ZER1: variants seen among roughly 807,000 people sequenced by gnomAD.
The protein encoded by ZER1 is zyg-11 related cell cycle regulator.
Under a neutral mutation model 78.8 loss-of-function variants are expected in ZER1, and 11 were observed. The ratio of observed to expected loss-of-function variants is 0.14; its 90% CI spans 0.09 to 0.23. ZER1 has a LOEUF of 0.23. ZER1 is among the 10% of genes least tolerant of loss of function. ZER1 has a pLI of 1.00. For missense variants in ZER1, 588 were observed against 996.9 expected (o/e 0.59, Z 5.52); for synonymous variants, 400 against 407.0 (o/e 0.98, Z 0.21).
upstream of ZER1, chr9:128,771,989 C>T (rs557179305): frequency 6.6e-6 from 1 of 152,406 alleles, no homozygotes; most frequent in African/African-American, 2.4e-5. Flanking sequence ...CGACCCGTCC[C>T]GCGGCTAACG....
At chr9:128,762,289 G>A (rs961714380) in intron 1 of ZER1, among the ~76,000 whole-genome samples, 6 of 152,214 alleles carry the variant, frequency 3.9e-5, no homozygotes, top group Admixed American at 3.9e-4. Flanking sequence ...CTCCCTCTGT[G>A]CCCATTTGTA....
In ZER1 at chr9:128,755,292, C is replaced by T. The variant is rs1863820122; in HGVS notation, c.158+116G>A. On this transcript the variant is annotated intron_variant, in intron 2 of 15. Coordinates refer to ENST00000291900, the MANE Select transcript of ZER1 (RefSeq NM_006336.4). The surrounding 1 kb of genome is among the most constrained non-coding windows in gnomAD (Gnocchi z 5.6). ...ATGAACATCCATGTGCACACACACA[C>T]ACCCTCACACATTCATCTCCATAGC... 1 of 1,419,956 alleles carries T rather than the reference C, an allele frequency of 7.0e-7. No individual in the cohort carries two copies. Among genetic ancestry groups the T allele is most frequent in the East Asian group, 2.3e-5 (1 of 43,458 alleles). The allele number at this position is 1,419,956 out of a possible 1,614,324, so 88.0% of individuals were successfully genotyped here. A position where few individuals can be genotyped will look rare whatever the true frequency, so the allele number is the denominator to read the frequency against.
In ZER1 at chr9:128,754,026, G is replaced by A; in HGVS notation, c.159-67C>T. 3 of 1,527,544 alleles carry A rather than the reference G, an allele frequency of 2.0e-6. No homozygotes were observed. In the South Asian group the frequency reaches 3.7e-5, roughly 19 times the overall value. The allele number at this position is 1,527,544 out of a possible 1,614,324, so 94.6% of individuals were successfully genotyped here. On this transcript the variant is annotated intron_variant, in intron 2 of 15. Transcript: ENST00000291900. The surrounding 1 kb of genome is among the most constrained non-coding windows in gnomAD (Gnocchi z 4.3). ...ACTCTCATCCTCGCTTCAAAGCCAA[G>A]CCCTCCTCCCCCTGAAGCTTTCTTG...
At chr9:128,739,832 G>A in intron 13 of ZER1, 99 bp downstream of exon 13, 2 of 1,417,840 alleles carry the variant, frequency 1.4e-6, no homozygotes, top group South Asian at 2.7e-5. Flanking sequence ...AGACCAGAAG[G>A]AAGGTGGGAG....
In ZER1 at chr9:128,741,595, A is replaced by G; in HGVS notation, c.1677T>C (p.Pro559=). The change falls in exon 11 of 16, where the codon CCT becomes CCC. Residue 559 remains proline (P), a synonymous_variant. Coordinates refer to ENST00000291900, the MANE Select transcript of ZER1 (RefSeq NM_006336.4). ...SALWNITDET[P]DNCEMFLNFN... ...AATTGAGGAACATCTCGCAGTTGTC[A>G]GGAGTTTCATCTGTGATGTTCCACA... 1 of 1,614,188 alleles carries G rather than the reference A, an allele frequency of 6.2e-7. No individual in the cohort carries two copies. Among genetic ancestry groups the G allele is most frequent in the Middle Eastern group, 1.6e-4 (1 of 6,062 alleles).
chr9:128,752,447 A>G (rs1211107142), intron 5 of ZER1, among the ~76,000 whole-genome samples: 1 of 152,054 alleles, frequency 6.6e-6, no homozygotes, highest in Non-Finnish European at 1.5e-5. Context: ...TAGCCTCCCA[A>G]GTAGCTGGGA....
chr9:128,761,667 C>G (rs1365714518), intron 1 of ZER1, among the ~76,000 whole-genome samples: 1 of 145,506 alleles, frequency 6.9e-6, no homozygotes, highest in Non-Finnish European at 1.5e-5. Context: ...TACAGTGGTA[C>G]GATCTCGGCT....
chr9:128,735,201 G>T, intron 14 of ZER1, 133 bp downstream of exon 14: 1 of 788,506 alleles, frequency 1.3e-6, no homozygotes. Flanking sequence ...ACGCTGGAAA[G>T]TGGAGGGTTC....
chr9:128,752,135 G>A (rs958465785), intron 5 of ZER1, among the ~76,000 whole-genome samples: 1 of 152,136 alleles, frequency 6.6e-6, no homozygotes, highest in African/African-American at 2.4e-5. Context: ...CAGCCAGGAT[G>A]CGTCCCTCCT....
chr9:128,760,525 G>C (rs1287082369), intron 1 of ZER1, among the ~76,000 whole-genome samples: 1 of 152,144 alleles, frequency 6.6e-6, no homozygotes, highest in Non-Finnish European at 1.5e-5. Flanking sequence ...TTTAAGTGCA[G>C]GCTCTGTGGT....
At chr9:128,739,784 C>T (rs1203026233) in intron 13 of ZER1, 147 bp downstream of exon 13, 18 of 952,962 alleles carry the variant, frequency 1.9e-5, no homozygotes, top group Admixed American at 1.0e-4. Context: ...GTGCTGTGTG[C>T]GGCTACGTAT....
In ZER1 at chr9:128,753,521, G is replaced by A; in HGVS notation, c.389C>T (p.Thr130Ile). Residue 130 changes from threonine (T) to isoleucine (I), a missense_variant, in exon 4 of 16, where the codon ACC (threonine) becomes ATC (isoleucine). Thr to Ile is a moderately conservative substitution (Grantham distance 89). Around this residue, in one of 3 missense-constraint regions of ZER1, gnomAD observed 406 missense variants for 660.1 expected, o/e 0.62. Transcript: ENST00000291900. The surrounding 1 kb of genome is among the most constrained non-coding windows in gnomAD (Gnocchi z 7.5). ...GCCGAAGAGGCTCAAGGACACCAGG[G>A]TGTGGCTGAAGCTCCTCAGTGTCTG... The part of the protein sequence containing the change: ...SLQTLRSFSH[T>I]LVSLSLFGCT... 1 of 1,614,108 alleles carries A rather than the reference G, an allele frequency of 6.2e-7. No homozygotes were observed. Among genetic ancestry groups the A allele is most frequent in the Non-Finnish European group, 8.5e-7 (1 of 1,180,038 alleles).
chr9:128,733,450 C>G lies in ZER1; in HGVS notation c.2219G>C (p.Arg740Pro). The part of the protein sequence containing the change: ...LRDIIKMATA[R>P]QETKEMARKV... Reference sequence around the variant, plus strand: ...CCGGGCCATTTCCTTGGTCTCCTGCCGTGCGGTCGCCATCTTAATTATGTC... The same window carrying G: ...CCGGGCCATTTCCTTGGTCTCCTGCGGTGCGGTCGCCATCTTAATTATGTC... Residue 740 changes from arginine to proline, a missense_variant, in exon 15 of 16, where the codon CGG becomes CCG. Arg to Pro is a moderately radical substitution (Grantham distance 103). Around this residue, in one of 3 missense-constraint regions of ZER1, gnomAD observed 122 missense variants for 173.5 expected, o/e 0.70. Coordinates refer to ENST00000291900, the MANE Select transcript of ZER1 (RefSeq NM_006336.4). 1.2e-6 allele frequency: 2 copies of G among 1,613,914 alleles called. No homozygotes were observed. The highest frequency in any genetic ancestry group is 2.2e-5 in the South Asian group (2 of 91,006).
intron 1 of ZER1, among the ~76,000 whole-genome samples, chr9:128,769,578 T>C (rs1434209158): frequency 6.6e-6 from 1 of 151,996 alleles, no homozygotes; most frequent in East Asian, 1.9e-4. Flanking sequence ...CACACCCGGC[T>C]AATTTTTGTA....
intron 1 of ZER1, among the ~76,000 whole-genome samples, chr9:128,763,574 G>A (rs1054702458): frequency 2.6e-5 from 4 of 152,240 alleles, no homozygotes; most frequent in Admixed American, 6.5e-5. Context: ...CACCTACAGG[G>A]CCCATAAGCG....
In ZER1 at chr9:128,755,779, C is replaced by T; in HGVS notation, c.-94-120G>A. The stretch of plus-strand genomic sequence containing the variant: ...CACTCCAATTAGCAGCTTAGCAGGG[C>T]CAGGCCCAGGTCTCCTGACTCCTTC... On this transcript the variant is annotated intron_variant, in intron 1 of 15. Transcript: ENST00000291900. The surrounding 1 kb of genome is among the most constrained non-coding windows in gnomAD (Gnocchi z 5.6). 1.7e-6 allele frequency: 1 copy of T among 601,520 alleles called. No homozygotes were observed. The highest frequency in any genetic ancestry group is 2.8e-5 in the East Asian group (1 of 35,470). 37.3% of individuals were successfully genotyped at this position (601,520 alleles called of 1,614,324 possible).
intron 13 of ZER1, among the ~76,000 whole-genome samples, chr9:128,738,589 G>A (rs575287225): frequency 3.4e-5 from 5 of 149,182 alleles, no homozygotes; most frequent in East Asian, 2.0e-4. Context: ...GTTTCACTGC[G>A]TTAGCCAAGA....
intron 1 of ZER1, among the ~76,000 whole-genome samples, chr9:128,771,377 C>T (rs1864377884): frequency 6.6e-6 from 1 of 152,138 alleles, no homozygotes; most frequent in African/African-American, 2.4e-5. Flanking sequence ...AACGACAGAG[C>T]GTCATTTTCT....
chr9:128,750,860 C>G lies in ZER1; in HGVS notation c.1186-71G>C. The G allele has an allele frequency of 5.7e-6, 9 of 1,586,690 alleles. No homozygotes were observed. In the Admixed American group the frequency reaches 1.5e-4, roughly 27 times the overall value. Reference sequence around the variant, plus strand: ...GCCTGGGCTCTGCAAGGGGCTGGAACAGGCTCTCTGGGGCAAGGTTTAGCC... The same window carrying G: ...GCCTGGGCTCTGCAAGGGGCTGGAAGAGGCTCTCTGGGGCAAGGTTTAGCC... On this transcript the variant is annotated intron_variant, in intron 7 of 15. Coordinates refer to ENST00000291900, the MANE Select transcript of ZER1 (RefSeq NM_006336.4).
Sources: gnomAD v4.1 joint callset for allele counts (sites outside exome capture counted in the v4.1 genomes callset) on GRCh38, gnomAD v4.1.1 for gene constraint, gnomAD v4.1.1 regional missense constraint, Gnocchi (gnomAD v3.1) non-coding constraint, MANE v1.5 for transcripts, NCBI Gene and HGNC (gene_info 2026-07-23, HGNC 2026-07-21) for gene names.